The following TNFSF4 variants were observed in gnomAD, a reference collection of about 807,000 sequenced individuals.
The protein encoded by TNFSF4 is tumor necrosis factor ligand superfamily member 4.
In TNFSF4, 4 loss-of-function variants were observed where a neutral mutation model predicts 7.3. The observed-to-expected ratio is 0.55, with a 90% CI of 0.27 to 1.25. The LOEUF (loss-of-function observed/expected upper bound fraction) is 1.25. TNFSF4 is among the 50% of genes most tolerant of loss of function. The pLI, the probability that TNFSF4 is intolerant of heterozygous loss-of-function variation, is 0.12. For synonymous variants in TNFSF4, 76 were observed against 83.7 expected, an observed-to-expected ratio of 0.91 and a Z score of 0.50; for missense variants, 181 against 208.8, an observed-to-expected ratio of 0.87 and a Z score of 0.82.
At chr1:173,378,787 C>T in the TNFSF4 span, among the ~76,000 whole-genome samples, 5 of 152,144 alleles carry the variant, frequency 3.3e-5, no homozygotes, top group African/African-American at 4.8e-5. Flanking sequence ...CCCTATAGCT[C>T]CCCTTCCTAT....
At chr1:173,395,376 TAATATATATA>T in the TNFSF4 span, among the ~76,000 whole-genome samples, 4 of 40,116 alleles carry the variant, frequency 1.0e-4, no homozygotes, top group Non-Finnish European at 1.3e-4. Flanking sequence ...ACTGTGTATA[TAATATATATA>T]TATATATATA....
At chr1:173,222,233 T>C in the TNFSF4 span, among the ~76,000 whole-genome samples, 1 of 122,148 alleles carries the variant, frequency 8.2e-6, no homozygotes, top group Non-Finnish European at 1.7e-5. Flanking sequence ...TACTCTCCCA[T>C]GGGTGGGTGG....
the TNFSF4 span, among the ~76,000 whole-genome samples, chr1:173,296,901 C>T: frequency 2.0e-5 from 3 of 151,974 alleles, no homozygotes; most frequent in Non-Finnish European, 4.4e-5. Flanking sequence ...ACCCTCAGCA[C>T]AGCCTCTCAA....
the TNFSF4 span, among the ~76,000 whole-genome samples, chr1:173,440,303 C>T: frequency 6.6e-6 from 1 of 152,120 alleles, no homozygotes; most frequent in Non-Finnish European, 1.5e-5. Context: ...CAAGAATAGT[C>T]CCTTGTTGCC....
chr1:173,383,867 G>A, the TNFSF4 span, among the ~76,000 whole-genome samples: 2 of 152,076 alleles, frequency 1.3e-5, no homozygotes, highest in Non-Finnish European at 2.9e-5. Flanking sequence ...ATAAAATGAG[G>A]ATCAAAATGC....
the TNFSF4 span, among the ~76,000 whole-genome samples, chr1:173,220,485 C>G: frequency 6.6e-6 from 1 of 152,208 alleles, no homozygotes; most frequent in Middle Eastern, 3.4e-3. Context: ...TAACTGTATG[C>G]ACAGAAAAAT....
At chr1:173,263,493 T>C in the TNFSF4 span, among the ~76,000 whole-genome samples, 1 of 152,196 alleles carries the variant, frequency 6.6e-6, no homozygotes, top group Non-Finnish European at 1.5e-5. Context: ...AATTGGACCC[T>C]CCTGCAATTT....
the TNFSF4 span, among the ~76,000 whole-genome samples, chr1:173,244,668 A>C: frequency 7.0e-6 from 1 of 143,242 alleles, no homozygotes; most frequent in African/African-American, 2.7e-5. Flanking sequence ...CAAAAAAAAC[A>C]AAAAAAAAAC....
At position 173,186,837 on chromosome 1, in the gene TNFSF4, G is replaced by A. The variant is rs766561082; in HGVS notation, c.231C>T (p.Leu77=). The A allele has an allele frequency of 3.7e-6, 6 of 1,607,024 alleles. No homozygotes were observed. The highest frequency in any genetic ancestry group is 3.4e-6 in the Non-Finnish European group (4 of 1,176,328). Reference sequence around the variant, plus strand: ...TGATTTCATCCTCCTTTTGGGAAGTGAGGATGAAACCTTTCTCCTTCTTAT... The same window carrying A: ...TGATTTCATCCTCCTTTTGGGAAGTAAGGATGAAACCTTTCTCCTTCTTAT... ...TEYKKEKGFI[L]TSQKEDEIMK... is the part of the protein sequence containing the mutation. Residue 77 remains leucine, a synonymous_variant, in exon 3 of 3, where the codon CTC becomes CTT. Coordinates refer to ENST00000281834, the MANE Select transcript of TNFSF4 (RefSeq NM_003326.5).
At chr1:173,238,829 T>A in the TNFSF4 span, among the ~76,000 whole-genome samples, 2 of 152,194 alleles carry the variant, frequency 1.3e-5, no homozygotes, top group African/African-American at 4.8e-5. Flanking sequence ...TCAGTCATTG[T>A]GGAGTGAACT....
the TNFSF4 span, among the ~76,000 whole-genome samples, chr1:173,417,604 G>A: frequency 6.6e-6 from 1 of 152,296 alleles, no homozygotes; most frequent in Admixed American, 6.5e-5. Context: ...CCCATAGAGG[G>A]TGAGTACTGA....
chr1:173,261,142 T>C, the TNFSF4 span, among the ~76,000 whole-genome samples: 31 of 152,124 alleles, frequency 2.0e-4, no homozygotes, highest in African/African-American at 7.0e-4. Flanking sequence ...AAATAGTCTC[T>C]CAGAAAGTAG....
At chr1:173,192,469 G>A (rs1034862196) in intron 1 of TNFSF4, among the ~76,000 whole-genome samples, 5 of 152,078 alleles carry the variant, frequency 3.3e-5, no homozygotes, top group African/African-American at 1.2e-4. Context: ...ATCTGAAAAC[G>A]GTATATACTG....
At chr1:173,232,943 CA>C in the TNFSF4 span, among the ~76,000 whole-genome samples, 5 of 152,046 alleles carry the variant, frequency 3.3e-5, no homozygotes, top group Non-Finnish European at 5.9e-5. Flanking sequence ...CTGAGGAACA[CA>C]GCTCCTCACC....
At chr1:173,406,457 C>T in the TNFSF4 span, among the ~76,000 whole-genome samples, 7 of 152,084 alleles carry the variant, frequency 4.6e-5, no homozygotes, top group Non-Finnish European at 8.8e-5. Context: ...ACATAGCTAA[C>T]GAAGACATTA....
At chr1:173,398,661 C>T in the TNFSF4 span, among the ~76,000 whole-genome samples, 3 of 151,932 alleles carry the variant, frequency 2.0e-5, no homozygotes, top group Non-Finnish European at 4.4e-5. Flanking sequence ...CTCCTGACCT[C>T]GTGATCCACC....
At chr1:173,365,264 C>T in the TNFSF4 span, among the ~76,000 whole-genome samples, 1 of 152,290 alleles carries the variant, frequency 6.6e-6, no homozygotes, top group Admixed American at 6.5e-5. Context: ...TATTTTCTTA[C>T]ACTTTTTGGC....
the TNFSF4 span, among the ~76,000 whole-genome samples, chr1:173,219,107 GACACCT>G: frequency 1.3e-5 from 2 of 151,938 alleles, no homozygotes; most frequent in African/African-American, 4.8e-5. Context: ...AGTCCAAAGA[GACACCT>G]ACTTTGTTTT....
the TNFSF4 span, among the ~76,000 whole-genome samples, chr1:173,234,908 C>T: frequency 6.6e-6 from 1 of 151,928 alleles, no homozygotes; most frequent in Non-Finnish European, 1.5e-5. Context: ...CAAACCTGCA[C>T]GTTGTGTGCA....
Sources: allele counts gnomAD v4.1 joint callset (sites outside exome capture counted in the v4.1 genomes callset), GRCh38; gene constraint gnomAD v4.1.1; transcripts MANE v1.5; gene names NCBI Gene and HGNC (gene_info 2026-07-23, HGNC 2026-07-21).